WDR70: variants seen among roughly 807,000 people sequenced by gnomAD.
WDR70 encodes the protein WD repeat domain 70.
Under a neutral mutation model 88.6 loss-of-function variants are expected in WDR70, and 53 were observed. That is an observed-to-expected ratio of 0.60 (90% CI 0.48 to 0.75). WDR70 has a LOEUF of 0.75. Among genes scored for constraint, WDR70 ranks in the 30% least tolerant of loss-of-function variants. WDR70 has a pLI of 0.00. For synonymous variants in WDR70, 280 were observed against 270.0 expected, an observed-to-expected ratio of 1.04 and a Z score of -0.36; for missense variants, 610 against 823.2, an observed-to-expected ratio of 0.74 and a Z score of 3.17.
chr5:37,571,878 A>C (rs1056225325), intron 9 of WDR70, among the ~76,000 whole-genome samples: 1 of 152,112 alleles, frequency 6.6e-6, no homozygotes, highest in African/African-American at 2.4e-5. Context: ...CAGGAGCAAA[A>C]AGAATGATGT....
At chr5:37,498,579 A>T (rs1740301265) in intron 8 of WDR70, among the ~76,000 whole-genome samples, 1 of 152,142 alleles carries the variant, frequency 6.6e-6, no homozygotes, top group Non-Finnish European at 1.5e-5. Flanking sequence ...GATGTATCTC[A>T]CCTTAACATG....
At chr5:37,520,653 C>A (rs946688482) in intron 9 of WDR70, among the ~76,000 whole-genome samples, 6 of 152,094 alleles carry the variant, frequency 3.9e-5, no homozygotes, top group Non-Finnish European at 5.9e-5. Context: ...CAGTATACTT[C>A]ATTGCTGAAT....
At chr5:37,748,649 CA>C (rs543603600) in intron 17 of WDR70, among the ~76,000 whole-genome samples, 171 of 152,196 alleles carry the variant, frequency 1.1e-3, no homozygotes, top group African/African-American at 4.0e-3. Context: ...TTCTGCACAG[CA>C]AAAGAAACTA....
intron 8 of WDR70, among the ~76,000 whole-genome samples, chr5:37,508,109 T>C (rs1367083491): frequency 6.6e-6 from 1 of 152,038 alleles, no homozygotes; most frequent in African/African-American, 2.4e-5. Flanking sequence ...TAACTGTAGG[T>C]TTTTTGTACG....
Position 37,496,508 on chromosome 5 carries a change from A to G in WDR70, c.840+16521A>G, listed in dbSNP as rs983496369. Among the ~76,000 whole-genome samples, 3 of 152,338 alleles carry G rather than the reference A, an allele frequency of 2.0e-5. No individual in the cohort carries two copies. In the East Asian group the frequency reaches 5.8e-4, roughly 29 times the overall value. Reference sequence around the variant, plus strand: ...ACTGTAACACTCACCGCGAGGGTCCATGGCTTCATGTTTGAGGTCAGTGAG... The same window carrying G: ...ACTGTAACACTCACCGCGAGGGTCCGTGGCTTCATGTTTGAGGTCAGTGAG... On this transcript the variant is annotated intron_variant, in intron 8 of 17. Coordinates refer to ENST00000265107, the MANE Select transcript of WDR70 (RefSeq NM_018034.4).
chr5:37,720,084 A>C (rs1747765007), intron 13 of WDR70, among the ~76,000 whole-genome samples: 1 of 152,174 alleles, frequency 6.6e-6, no homozygotes, highest in Non-Finnish European at 1.5e-5. Context: ...GAATGAGTAG[A>C]GACAAGGAAC....
chr5:37,706,739 G>GCACGCA (rs1561083048), intron 13 of WDR70, among the ~76,000 whole-genome samples: 1 of 132,624 alleles, frequency 7.5e-6, no homozygotes, highest in East Asian at 2.1e-4. Context: ...ACACACACAC[G>GCACGCA]CACACAGACT....
intron 12 of WDR70, 112 bp downstream of exon 12, chr5:37,701,254 TGA>T (rs775804900): frequency 6.0e-6 from 4 of 669,496 alleles, no homozygotes; most frequent in Non-Finnish European, 9.9e-6. Context: ...AAAAGAGACT[TGA>T]GAGAGTGATC....
At chr5:37,615,980 A>T (rs1320960730) in intron 10 of WDR70, among the ~76,000 whole-genome samples, 1 of 152,182 alleles carries the variant, frequency 6.6e-6, no homozygotes, top group African/African-American at 2.4e-5. Flanking sequence ...CCCAGTTTAA[A>T]TCACGTTAAA....
intron 9 of WDR70, among the ~76,000 whole-genome samples, chr5:37,518,269 G>A (rs1394413168): frequency 6.6e-6 from 1 of 151,690 alleles, no homozygotes; most frequent in South Asian, 2.1e-4. Flanking sequence ...TAGTCACTCT[G>A]TTATGCTATC....
rs531741469 is a variant in WDR70, at chr5:37,697,720, T to C, written c.1158T>C (p.Phe386=). 1 of 1,613,796 alleles carries C rather than the reference T, an allele frequency of 6.2e-7. No individual in the cohort carries two copies. The highest frequency in any genetic ancestry group is 1.3e-5 in the African/African-American group (1 of 75,036). The change falls in exon 11 of 18, where the codon TTT becomes TTC. Residue 386 remains phenylalanine, a synonymous_variant. Transcript: ENST00000265107. ...GCACAGACACTTCTTGCGTGACTTT[T>C]TCCTATGATGGTAATGTCCTTGCCT... is the stretch of plus-strand genomic sequence containing the variant. ...DSGTDTSCVT[F]SYDGNVLASR...
intron 17 of WDR70, among the ~76,000 whole-genome samples, chr5:37,743,858 C>T (rs1275509528): frequency 6.6e-6 from 1 of 152,212 alleles, no homozygotes; most frequent in South Asian, 2.1e-4. Flanking sequence ...TCTGAGGAAT[C>T]CGGGCAGCCC....
chr5:37,550,836 T>C (rs1167769701), intron 9 of WDR70, among the ~76,000 whole-genome samples: 3 of 152,230 alleles, frequency 2.0e-5, no homozygotes, highest in Non-Finnish European at 4.4e-5. Flanking sequence ...CCTTCCTGTC[T>C]GTTTCTTAGT....
At chr5:37,679,504 C>A (rs1746353533) in intron 10 of WDR70, among the ~76,000 whole-genome samples, 1 of 152,168 alleles carries the variant, frequency 6.6e-6, no homozygotes, top group African/African-American at 2.4e-5. Context: ...CACACCAGAC[C>A]CTGTTTGCCT....
At chr5:37,481,730 A>G (rs1005856713) in intron 8 of WDR70, among the ~76,000 whole-genome samples, 1 of 152,198 alleles carries the variant, frequency 6.6e-6, no homozygotes, top group African/African-American at 2.4e-5. Flanking sequence ...TTACTTATGC[A>G]AATTTCTACA....
intron 10 of WDR70, among the ~76,000 whole-genome samples, chr5:37,642,003 G>A (rs943879965): frequency 2.6e-5 from 4 of 152,298 alleles, no homozygotes; most frequent in Non-Finnish European, 5.9e-5. Flanking sequence ...TACAGGATTT[G>A]ATTTACATAC....
chr5:37,409,948 A>T (rs984135624), intron 5 of WDR70, among the ~76,000 whole-genome samples: 1 of 152,188 alleles, frequency 6.6e-6, no homozygotes, highest in Non-Finnish European at 1.5e-5. Flanking sequence ...CAAATCTTTC[A>T]TCACAATAGG....
intron 9 of WDR70, among the ~76,000 whole-genome samples, chr5:37,533,313 G>A (rs1741554300): frequency 6.6e-6 from 1 of 152,154 alleles, no homozygotes; most frequent in Admixed American, 6.5e-5. Context: ...CTTGCCCTAC[G>A]GGCTGGGCAC....
chr5:37,422,812 A>G (rs1355699002), intron 5 of WDR70, among the ~76,000 whole-genome samples: 2 of 151,830 alleles, frequency 1.3e-5, no homozygotes, highest in Non-Finnish European at 2.9e-5. Context: ...TTTTTTGTAG[A>G]AACGGGGTTT....
Sources: gnomAD v4.1 joint callset for allele counts (sites outside exome capture counted in the v4.1 genomes callset) on GRCh38, gnomAD v4.1.1 for gene constraint, MANE v1.5 for transcripts, NCBI Gene and HGNC (gene_info 2026-07-23, HGNC 2026-07-21) for gene names.